CUX2: variants seen among roughly 807,000 people sequenced by gnomAD.
CUX2 encodes homeobox protein cut-like 2.
A neutral mutation model predicts 144.8 loss-of-function variants in CUX2; 40 were observed. That is an observed-to-expected ratio of 0.28 (90% CI 0.21 to 0.36). The LOEUF is 0.36. Ranked by LOEUF, CUX2 falls within the 10% of genes least tolerant of loss-of-function variation. CUX2 has a pLI of 1.00. For synonymous variants in CUX2, 827 were observed against 875.6 expected (o/e 0.94, Z 0.98); for missense variants, 1,615 against 1,994.0 (o/e 0.81, Z 3.62).
In CUX2 at chr12:111,190,346, C is replaced by T. The variant is rs1308847510; in HGVS notation, c.64-23854C>T. The stretch of plus-strand genomic sequence containing the variant: ...TAGGGTGCAGAGGTTCCCATTTTGC[C>T]CGTCCTAACCAGATTACAGTATGTT... On this transcript the variant is annotated intron_variant, in intron 1 of 21. Transcript: ENST00000261726. The surrounding 1 kb of genome is among the most constrained non-coding windows in gnomAD (Gnocchi z 4.0). 6.6e-6 allele frequency among the ~76,000 whole-genome samples: 1 copy of T among 152,084 alleles called. No individual in the cohort carries two copies. The highest frequency in any genetic ancestry group is 1.5e-5 in the Non-Finnish European group (1 of 68,026).
intron 1 of CUX2, among the ~76,000 whole-genome samples, chr12:111,036,377 A>G (rs1869445355): frequency 6.6e-6 from 1 of 152,150 alleles, no homozygotes; most frequent in South Asian, 2.1e-4. Context: ...CTAATGTCTG[A>G]ACTAGGGAGG....
At chr12:111,045,320 G>A (rs1869945725) in intron 1 of CUX2, among the ~76,000 whole-genome samples, 1 of 152,168 alleles carries the variant, frequency 6.6e-6, no homozygotes, top group Admixed American at 6.5e-5. Context: ...TCCCTGGTTT[G>A]TTGAGACAGG....
chr12:111,217,517 C>G (rs1312908331), intron 2 of CUX2, among the ~76,000 whole-genome samples: 1 of 152,094 alleles, frequency 6.6e-6, no homozygotes, highest in Non-Finnish European at 1.5e-5. Flanking sequence ...CCTCTCCAGC[C>G]CCCACCCCAC....
chr12:111,175,279 G>T (rs1483839981), intron 1 of CUX2, among the ~76,000 whole-genome samples: 1 of 150,600 alleles, frequency 6.6e-6, no homozygotes, highest in Non-Finnish European at 1.5e-5. Context: ...ATGTAAAATT[G>T]ACACATTTAT....
chr12:111,332,748 T>G (rs1888178022), intron 18 of CUX2, among the ~76,000 whole-genome samples: 2 of 152,214 alleles, frequency 1.3e-5, no homozygotes, highest in South Asian at 4.1e-4. Flanking sequence ...TTTGAGGAAT[T>G]CATTGACATC....
At chr12:111,166,449 C>A (rs552878722) in intron 1 of CUX2, among the ~76,000 whole-genome samples, 2 of 152,290 alleles carry the variant, frequency 1.3e-5, no homozygotes, top group East Asian at 1.9e-4. Flanking sequence ...ATGGTAATAC[C>A]CAAACTAACA....
chr12:111,175,771 C>T (rs555582127), intron 1 of CUX2, among the ~76,000 whole-genome samples: 1 of 151,954 alleles, frequency 6.6e-6, no homozygotes, highest in Non-Finnish European at 1.5e-5. Context: ...ATGTTCAAGA[C>T]AATGTCTTTT....
At chr12:111,099,970 C>A (rs546745233) in intron 1 of CUX2, 1 of 457,286 alleles carries the variant, frequency 2.2e-6, no homozygotes. Flanking sequence ...GGGAAGGGAA[C>A]GGCTTTATCG....
chr12:111,052,008 A>T (rs1870289973), intron 1 of CUX2, among the ~76,000 whole-genome samples: 1 of 151,988 alleles, frequency 6.6e-6, no homozygotes, highest in South Asian at 2.1e-4. Flanking sequence ...TTTTTAATGG[A>T]CACATTATAA....
rs1304253906 is a variant in CUX2 at position 111,160,010 on chromosome 12, G to A, written c.64-54190G>A. Among the ~76,000 whole-genome samples, 1 of 152,178 alleles carries A rather than the reference G, an allele frequency of 6.6e-6. No individual in the cohort carries two copies. The highest frequency in any genetic ancestry group is 1.5e-5 in the Non-Finnish European group (1 of 68,028). Reference sequence around the variant, plus strand: ...ACTGCACTCCAGCCTGGGCGACAAAGTGAGACTATCTTAAAAACAAAACAA... The same window carrying A: ...ACTGCACTCCAGCCTGGGCGACAAAATGAGACTATCTTAAAAACAAAACAA... On this transcript the variant is annotated intron_variant, in intron 1 of 21. Coordinates refer to ENST00000261726, the MANE Select transcript of CUX2 (RefSeq NM_015267.4). This position sits in a 1 kb window ranked among gnomAD's most constrained non-coding sequence, Gnocchi z 4.1.
intron 14 of CUX2, 44 bp from the exon 15 acceptor site, chr12:111,309,997 G>T: frequency 3.2e-6 from 4 of 1,253,588 alleles, no homozygotes; most frequent in Non-Finnish European, 4.0e-6. Flanking sequence ...CCTCATCATC[G>T]TCTTCCCCGT....
chr12:111,239,752 G>A (rs1882931369), intron 3 of CUX2, among the ~76,000 whole-genome samples: 1 of 151,870 alleles, frequency 6.6e-6, no homozygotes, highest in Admixed American at 6.5e-5. Context: ...CAATGAGTGG[G>A]GTGGGGGAAT....
chr12:111,334,480 C>G lies in CUX2; in HGVS notation c.2966C>G (p.Pro989Arg), dbSNP rs997019959. ...CCAAGGTCCTCACCATCCCCACCCC[C>G]CAGCCCCACAGAGCCTGAGAAGAGC... ...TEPRSSPSPPPSPTEPEKSSQ... is the reference protein window; with the variant it reads ...TEPRSSPSPPRSPTEPEKSSQ... Residue 989 changes from proline (P) to arginine (R), a missense_variant, in exon 19 of 22, where the codon CCC becomes CGC. Transcript: ENST00000261726. The G allele has an allele frequency of 3.1e-6, 5 of 1,611,458 alleles. No individual in the cohort carries two copies. The highest frequency in any genetic ancestry group is 3.3e-4 in the Middle Eastern group (2 of 6,054).
chr12:111,044,431 G>T lies in CUX2; in HGVS notation c.63+10191G>T, dbSNP rs528456987. Reference sequence around the variant, plus strand: ...CAAGCCCCTGTGGCCTCCTTGCTGTGCCTCAAACAAGCCAAGCAGGTCCCA... The same window carrying T: ...CAAGCCCCTGTGGCCTCCTTGCTGTTCCTCAAACAAGCCAAGCAGGTCCCA... On this transcript the variant is annotated intron_variant, in intron 1 of 21. Transcript: ENST00000261726. Among the ~76,000 whole-genome samples, 27 of 150,732 alleles carry T rather than the reference G, an allele frequency of 1.8e-4. No homozygotes were observed. The East Asian group carries it at 4.1e-3, about 23-fold the overall frequency.
chr12:111,038,300 CCT>C (rs747663471), intron 1 of CUX2, among the ~76,000 whole-genome samples: 7 of 152,216 alleles, frequency 4.6e-5, no homozygotes, highest in Non-Finnish European at 1.0e-4. Flanking sequence ...TGTCAAAATT[CCT>C]CTTTCTATAG....
intron 4 of CUX2, among the ~76,000 whole-genome samples, chr12:111,284,207 C>G (rs975802347): frequency 6.6e-6 from 1 of 152,182 alleles, no homozygotes; most frequent in African/African-American, 2.4e-5. Context: ...GGGATCCTGC[C>G]TCTATCTGAT....
intron 1 of CUX2, among the ~76,000 whole-genome samples, chr12:111,209,753 C>T (rs1203599405): frequency 6.6e-6 from 1 of 152,176 alleles, no homozygotes; most frequent in Non-Finnish European, 1.5e-5. Context: ...GCCCCTTCCT[C>T]CAAGCCCCCG....
At chr12:111,133,643 A>T (rs182413038) in intron 1 of CUX2, among the ~76,000 whole-genome samples, 1 of 152,260 alleles carries the variant, frequency 6.6e-6, no homozygotes, top group Admixed American at 6.5e-5. Context: ...CAGCCAAACC[A>T]TATCACCTCC....
intron 1 of CUX2, among the ~76,000 whole-genome samples, chr12:111,204,866 T>C (rs1240694409): frequency 6.6e-6 from 1 of 152,168 alleles, no homozygotes; most frequent in Non-Finnish European, 1.5e-5. Flanking sequence ...TTGTTGGCAG[T>C]CTTTTGGCTC....
Sources: gnomAD v4.1 joint callset for allele counts (sites outside exome capture counted in the v4.1 genomes callset) on GRCh38, gnomAD v4.1.1 for gene constraint, Gnocchi (gnomAD v3.1) non-coding constraint, MANE v1.5 for transcripts, NCBI Gene and HGNC (gene_info 2026-07-23, HGNC 2026-07-21) for gene names.